The following PLCB1 variants were observed in gnomAD, a reference collection of about 807,000 sequenced individuals.
PLCB1 encodes the protein phospholipase C beta 1.
Under a neutral mutation model 161.8 loss-of-function variants are expected in PLCB1, and 46 were observed. The ratio of observed to expected loss-of-function variants is 0.28; its 90% CI spans 0.22 to 0.36. PLCB1 has a LOEUF of 0.36. Ranked by LOEUF, PLCB1 falls within the 10% of genes least tolerant of loss-of-function variation. PLCB1 has a pLI of 1.00. For synonymous variants in PLCB1, 517 were observed against 503.7 expected (o/e 1.03, Z -0.35); for missense variants, 1,016 against 1,472.5 (o/e 0.69, Z 5.07).
chr20:8,328,764 G>A (rs1005199213), intron 2 of PLCB1, among the ~76,000 whole-genome samples: 1 of 152,036 alleles, frequency 6.6e-6, no homozygotes, highest in African/African-American at 2.4e-5. Flanking sequence ...GATACCTAAC[G>A]GAGTACTTGC....
At chr20:8,587,878 A>C (rs554814556) in intron 3 of PLCB1, among the ~76,000 whole-genome samples, 1 of 152,202 alleles carries the variant, frequency 6.6e-6, no homozygotes, top group African/African-American at 2.4e-5. Context: ...TCTACAGTAC[A>C]TAACTGTAAA....
intron 15 of PLCB1, among the ~76,000 whole-genome samples, chr20:8,723,920 AGCAATC>A (rs1025462128): frequency 4.0e-5 from 6 of 151,882 alleles, no homozygotes; most frequent in African/African-American, 1.5e-4. Context: ...ATTTCCACAA[AGCAATC>A]TTTTTATTAT....
At chr20:8,143,553 A>C (rs2051424767) in intron 1 of PLCB1, among the ~76,000 whole-genome samples, 1 of 152,192 alleles carries the variant, frequency 6.6e-6, no homozygotes. Context: ...TTTCATTATA[A>C]CTGCTATGAA....
At chr20:8,355,872 G>A (rs1013005291) in intron 2 of PLCB1, among the ~76,000 whole-genome samples, 22 of 152,060 alleles carry the variant, frequency 1.4e-4, no homozygotes, top group Non-Finnish European at 3.1e-4. Flanking sequence ...TAAAGCATTC[G>A]GGAATGCTTA....
In PLCB1 at chr20:8,259,401, GAT is replaced by G. The variant is rs1452486367; in HGVS notation, c.177+109031_177+109032del. Among the ~76,000 whole-genome samples the G allele has an allele frequency of 2.6e-5, 4 of 152,180 alleles. No individual in the cohort carries two copies. The East Asian group carries it at 7.8e-4, about 29-fold the overall frequency. ...GGAGGCTGAGGTAGGCGGATCACTT[GAT>G]GTCAAGACTTAGAGACCAGCCTGGG... On this transcript the variant is annotated intron_variant, in intron 2 of 31. Transcript: ENST00000338037.
At chr20:8,589,354 T>G (rs557387967) in intron 3 of PLCB1, among the ~76,000 whole-genome samples, 19 of 152,180 alleles carry the variant, frequency 1.2e-4, no homozygotes, top group Non-Finnish European at 2.1e-4. Flanking sequence ...TTTGAAAAAT[T>G]CAGCATCTTG....
At chr20:8,640,252 C>T (rs767199160) in intron 4 of PLCB1, among the ~76,000 whole-genome samples, 12 of 152,208 alleles carry the variant, frequency 7.9e-5, no homozygotes, top group Non-Finnish European at 1.2e-4. Context: ...TTAAGATTGT[C>T]GAACTGCTTT....
intron 2 of PLCB1, among the ~76,000 whole-genome samples, chr20:8,358,318 G>A (rs867147881): frequency 6.6e-6 from 1 of 152,134 alleles, no homozygotes; most frequent in Middle Eastern, 3.4e-3. Flanking sequence ...GCATGATCTC[G>A]GCTCATTGCA....
chr20:8,622,378 C>CT (rs1988210399), intron 3 of PLCB1, among the ~76,000 whole-genome samples: 1 of 152,068 alleles, frequency 6.6e-6, no homozygotes, highest in Non-Finnish European at 1.5e-5. Flanking sequence ...ATAATCACTT[C>CT]TTTAATGTTG....
At chr20:8,580,669 T>C (rs1168813574) in intron 3 of PLCB1, among the ~76,000 whole-genome samples, 3 of 152,226 alleles carry the variant, frequency 2.0e-5, no homozygotes, top group Non-Finnish European at 4.4e-5. Flanking sequence ...GGCACTATGA[T>C]AGGTGCTGGG....
intron 2 of PLCB1, among the ~76,000 whole-genome samples, chr20:8,222,808 A>T (rs1215006031): frequency 1.3e-5 from 2 of 152,098 alleles, no homozygotes; most frequent in Admixed American, 1.3e-4. Context: ...GGCTTTCTCA[A>T]CCTTAATTAC....
intron 27 of PLCB1, among the ~76,000 whole-genome samples, chr20:8,779,253 C>T (rs1264450864): frequency 6.6e-6 from 1 of 151,894 alleles, no homozygotes; most frequent in Non-Finnish European, 1.5e-5. Flanking sequence ...AGTATTTGCA[C>T]AACATTCTGA....
chr20:8,215,860 T>A (rs899466606), intron 2 of PLCB1, among the ~76,000 whole-genome samples: 4 of 151,598 alleles, frequency 2.6e-5, no homozygotes, highest in Admixed American at 2.0e-4. Flanking sequence ...GTATATATAT[T>A]TATATATATA....
At chr20:8,786,098 C>T (rs781506371) in intron 27 of PLCB1, among the ~76,000 whole-genome samples, 2 of 152,118 alleles carry the variant, frequency 1.3e-5, no homozygotes, top group African/African-American at 4.8e-5. Flanking sequence ...GAAGTTCCCC[C>T]ACATGATTCT....
chr20:8,176,769 G>C (rs928574984), intron 2 of PLCB1, among the ~76,000 whole-genome samples: 4 of 152,058 alleles, frequency 2.6e-5, no homozygotes, highest in African/African-American at 9.7e-5. Context: ...AAAGGTAAAA[G>C]GGCTCCCTCT....
At chr20:8,250,255 C>G (rs1009716723) in intron 2 of PLCB1, among the ~76,000 whole-genome samples, 1 of 151,858 alleles carries the variant, frequency 6.6e-6, no homozygotes, top group Non-Finnish European at 1.5e-5. Flanking sequence ...TTTCAAGGTG[C>G]ATAGCAAAAG....
At chr20:8,831,954 C>CTTTCTTTCT (rs2146278994) in intron 31 of PLCB1, among the ~76,000 whole-genome samples, 1 of 92,726 alleles carries the variant, frequency 1.1e-5, no homozygotes, top group African/African-American at 3.6e-5. Context: ...TTCTTTCTTT[C>CTTTCTTTCT]TTTCTTTCTT....
At chr20:8,468,240 A>G (rs1020277010) in intron 3 of PLCB1, among the ~76,000 whole-genome samples, 3 of 152,186 alleles carry the variant, frequency 2.0e-5, no homozygotes, top group Admixed American at 1.3e-4. Context: ...GGTAGTAGTT[A>G]TAAGTCTGTT....
At chr20:8,870,920 A>G (rs1310167502) in intron 31 of PLCB1, among the ~76,000 whole-genome samples, 3 of 152,224 alleles carry the variant, frequency 2.0e-5, no homozygotes, top group African/African-American at 7.2e-5. Context: ...ACCTTTGTCT[A>G]AAGTGGTGCT....
Sources: allele counts gnomAD v4.1 joint callset (sites outside exome capture counted in the v4.1 genomes callset), GRCh38; gene constraint gnomAD v4.1.1; transcripts MANE v1.5; gene names NCBI Gene and HGNC (gene_info 2026-07-23, HGNC 2026-07-21).